THSD7A: variants seen among roughly 807,000 people sequenced by gnomAD.
THSD7A encodes the protein thrombospondin type 1 domain containing 7A.
Under a neutral mutation model 231.3 loss-of-function variants are expected in THSD7A, and 96 were observed. That is an observed-to-expected ratio of 0.41 (90% CI 0.35 to 0.49). The LOEUF is 0.49. Among genes scored for constraint, THSD7A ranks in the 20% least tolerant of loss-of-function variants. The pLI, the probability that THSD7A is intolerant of heterozygous loss-of-function variation, is 0.05. For synonymous variants in THSD7A, 940 were observed against 743.3 expected, an observed-to-expected ratio of 1.26 and a Z score of -4.30; for missense variants, 2,290 against 2,070.2, an observed-to-expected ratio of 1.11 and a Z score of -2.06.
rs143612231 is a variant in THSD7A at position 11,444,390 on chromosome 7, G to A, written c.3064+1671C>T. Among the ~76,000 whole-genome samples, 243 of 152,070 alleles carry A rather than the reference G, an allele frequency of 1.6e-3. 1 individual carries two copies. Among genetic ancestry groups the A allele is most frequent in the African/African-American group, 5.6e-3 (234 of 41,492 alleles). On this transcript the variant is annotated intron_variant, in intron 13 of 27. Coordinates refer to ENST00000423059, the MANE Select transcript of THSD7A (RefSeq NM_015204.3). This position sits in a 1 kb window ranked among gnomAD's most constrained non-coding sequence, Gnocchi z 4.2. ...GCACTGTTCACAATAGCAAAGACTC[G>A]GAACCAACCCAAATGCTCATCAATG...
chr7:11,822,704 T>C (rs1174360513), intron 1 of THSD7A, among the ~76,000 whole-genome samples: 1 of 152,098 alleles, frequency 6.6e-6, no homozygotes, highest in Non-Finnish European at 1.5e-5. Flanking sequence ...CATATACCTG[T>C]TAATCATTTC....
chr7:11,423,601 C>A (rs1171614229), intron 16 of THSD7A, among the ~76,000 whole-genome samples: 1 of 151,986 alleles, frequency 6.6e-6, no homozygotes, highest in Non-Finnish European at 1.5e-5. Context: ...AATCTCCTGA[C>A]CTCGTGATCC....
chr7:11,565,136 C>T (rs1034859765), intron 4 of THSD7A, among the ~76,000 whole-genome samples: 15 of 152,068 alleles, frequency 9.9e-5, no homozygotes, highest in Non-Finnish European at 1.8e-4. Flanking sequence ...CAAATTCTCA[C>T]GATGTCCCTA....
At chr7:11,461,673 G>A (rs1342350042) in intron 10 of THSD7A, among the ~76,000 whole-genome samples, 1 of 152,168 alleles carries the variant, frequency 6.6e-6, no homozygotes, top group Non-Finnish European at 1.5e-5. Flanking sequence ...AGTCTTCTAA[G>A]TGAAAAAGAA....
At chr7:11,625,196 T>C (rs1275708736) in intron 2 of THSD7A, among the ~76,000 whole-genome samples, 1 of 152,138 alleles carries the variant, frequency 6.6e-6, no homozygotes, top group African/African-American at 2.4e-5. Context: ...ATCTGTTATA[T>C]GTAGTCTTTT....
At chr7:11,785,828 G>C (rs1191072355) in intron 1 of THSD7A, among the ~76,000 whole-genome samples, 2 of 152,030 alleles carry the variant, frequency 1.3e-5, no homozygotes, top group African/African-American at 4.8e-5. Flanking sequence ...AGTTTGCTAA[G>C]ACTTAAAGAA....
intron 11 of THSD7A, among the ~76,000 whole-genome samples, chr7:11,447,695 T>C (rs1785017589): frequency 6.6e-6 from 1 of 152,150 alleles, no homozygotes; most frequent in Non-Finnish European, 1.5e-5. Flanking sequence ...ATTATATGTA[T>C]TCAGGGTTTC....
rs1007210550 is a variant in THSD7A at position 11,374,305 on chromosome 7, T to G, written c.*1489A>C. The G allele has an allele frequency of 2.0e-5, 3 of 152,134 alleles. No homozygotes were observed. The highest frequency in any genetic ancestry group is 7.2e-5 in the African/African-American group (3 of 41,456). 9.4% of individuals were successfully genotyped at this position (152,134 alleles called of 1,614,324 possible). On this transcript the variant is annotated 3_prime_UTR_variant, in exon 28 of 28. Coordinates refer to ENST00000423059, the MANE Select transcript of THSD7A (RefSeq NM_015204.3). Reference sequence around the variant, plus strand: ...GTGGAAAATATTTTCTATATAGTCCTTTACAGAAAAAGTTTGCCACTCTTG... The same window carrying G: ...GTGGAAAATATTTTCTATATAGTCCGTTACAGAAAAAGTTTGCCACTCTTG...
chr7:11,764,688 A>G (rs1474429567), intron 1 of THSD7A, among the ~76,000 whole-genome samples: 5 of 152,050 alleles, frequency 3.3e-5, no homozygotes, highest in Non-Finnish European at 7.4e-5. Context: ...TTCTGGTTTT[A>G]TCATAATTTT....
At chr7:11,639,206 AT>A (rs1562431762) in intron 1 of THSD7A, among the ~76,000 whole-genome samples, 3 of 152,198 alleles carry the variant, frequency 2.0e-5, no homozygotes, top group East Asian at 1.9e-4. Context: ...CTGATATATT[AT>A]TTTTTTCCAG....
Position 11,637,095 on chromosome 7 carries a change from G to A in THSD7A, c.191-134C>T, listed in dbSNP as rs935232703. On this transcript the variant is annotated intron_variant, in intron 1 of 27. Coordinates refer to ENST00000423059, the MANE Select transcript of THSD7A (RefSeq NM_015204.3). The surrounding 1 kb of genome is among the most constrained non-coding windows in gnomAD (Gnocchi z 4.2). ...TGTTACAAAGTAGGTCTCTGGACAC[G>A]ACTGTTGGAAAGTAATGATCCTCGC... The A allele has an allele frequency of 7.6e-6, 6 of 791,786 alleles. No individual in the cohort carries two copies. The African/African-American group carries it at 8.7e-5, about 11-fold the overall frequency. 49.0% of individuals were successfully genotyped at this position (791,786 alleles called of 1,614,324 possible).
At chr7:11,593,116 GT>G (rs927735329) in intron 3 of THSD7A, 137 bp downstream of exon 3, 10 of 1,204,848 alleles carry the variant, frequency 8.3e-6, no homozygotes, top group East Asian at 5.1e-5. Context: ...TGTAAAAAAA[GT>G]TTTTTTTAAG....
intron 4 of THSD7A, among the ~76,000 whole-genome samples, chr7:11,568,804 A>G (rs1300777277): frequency 6.6e-6 from 1 of 151,950 alleles, no homozygotes; most frequent in Non-Finnish European, 1.5e-5. Flanking sequence ...TTCAGATGGC[A>G]TGATTGTATA....
chr7:11,529,180 T>C (rs1453316612), intron 6 of THSD7A, among the ~76,000 whole-genome samples: 1 of 152,176 alleles, frequency 6.6e-6, no homozygotes, highest in Non-Finnish European at 1.5e-5. Flanking sequence ...TCTTGTTCTA[T>C]TCAAAAGATA....
At chr7:11,670,965 C>G (rs999475567) in intron 1 of THSD7A, among the ~76,000 whole-genome samples, 1 of 152,104 alleles carries the variant, frequency 6.6e-6, no homozygotes, top group Non-Finnish European at 1.5e-5. Context: ...CTTGACTTCT[C>G]TAAAGAATAC....
At chr7:11,561,779 G>A (rs546538555) in intron 4 of THSD7A, among the ~76,000 whole-genome samples, 1 of 152,282 alleles carries the variant, frequency 6.6e-6, no homozygotes, top group Non-Finnish European at 1.5e-5. Context: ...TTGAACCTGG[G>A]AGGCAGAGGT....
intron 1 of THSD7A, among the ~76,000 whole-genome samples, chr7:11,699,807 G>T (rs1165026010): frequency 6.6e-6 from 1 of 151,132 alleles, no homozygotes; most frequent in East Asian, 2.0e-4. Flanking sequence ...CCGACTTATT[G>T]AATCTCATGT....
chr7:11,602,724 C>CT (rs1780593316), intron 2 of THSD7A, among the ~76,000 whole-genome samples: 1 of 151,612 alleles, frequency 6.6e-6, no homozygotes. Flanking sequence ...ATAAGACCTC[C>CT]TGTGGGTGAT....
intron 13 of THSD7A, among the ~76,000 whole-genome samples, chr7:11,435,620 T>A (rs371618064): frequency 6.6e-6 from 1 of 152,100 alleles, no homozygotes; most frequent in Admixed American, 6.6e-5. Context: ...GCCTCCTGCC[T>A]CCACTAAAGA....
Sources: gnomAD v4.1 joint callset for allele counts (sites outside exome capture counted in the v4.1 genomes callset) on GRCh38, gnomAD v4.1.1 for gene constraint, Gnocchi (gnomAD v3.1) non-coding constraint, MANE v1.5 for transcripts, NCBI Gene and HGNC (gene_info 2026-07-23, HGNC 2026-07-21) for gene names.